UTP20: variants seen among roughly 807,000 people sequenced by gnomAD.
The protein encoded by UTP20 is small subunit processome component 20 homolog.
Under a neutral mutation model 329.5 loss-of-function variants are expected in UTP20, and 164 were observed. That is an observed-to-expected ratio of 0.50 (90% confidence interval 0.44 to 0.57). The LOEUF is 0.57. Ranked by LOEUF, UTP20 falls within the 20% of genes least tolerant of loss-of-function variation. The pLI is 0.00. For synonymous variants in UTP20, 1,151 were observed against 1,159.3 expected (o/e 0.99, Z 0.14); for missense variants, 3,055 against 3,284.2 (o/e 0.93, Z 1.71).
intron 11 of UTP20, among the ~76,000 whole-genome samples, chr12:101,294,416 T>C (rs1872277337): frequency 6.6e-6 from 1 of 152,240 alleles, no homozygotes; most frequent in South Asian, 2.1e-4. Flanking sequence ...TTAGTTCCTT[T>C]ATACCTCTCA....
In UTP20 at chr12:101,346,445, C is replaced by G; in HGVS notation, c.4747-6C>G. The G allele has an allele frequency of 6.3e-7, 1 of 1,585,634 alleles. No individual in the cohort carries two copies. ...GTAACTAATTCATATTTTATCTTAC[C>G]CATAGATCCACAGAAGAGCAAGAGC... On this transcript the variant is annotated splice_region_variant and splice_polypyrimidine_tract_variant and intron_variant, in intron 37 of 61. Transcript: ENST00000261637.
chr12:101,320,741 G>A (rs1242589484), intron 23 of UTP20, 111 bp from the exon 24 acceptor site: 6 of 886,106 alleles, frequency 6.8e-6, no homozygotes, highest in African/African-American at 5.2e-5. Context: ...TAGGTCTTGT[G>A]TAAAAATTTA....
intron 25 of UTP20, among the ~76,000 whole-genome samples, chr12:101,323,461 C>T (rs529197589): frequency 6.6e-6 from 1 of 152,316 alleles, no homozygotes; most frequent in Non-Finnish European, 1.5e-5. Context: ...ATGCCTGTTT[C>T]ACACCATTCC....
At position 101,312,110 on chromosome 12, in the gene UTP20, G is replaced by C; in HGVS notation, c.2386G>C (p.Asp796His). ...DESWEQTQEG[D>H]VGALYHEQLA... ...AAGTTGGGAGCAGACCCAGGAAGGA[G>C]ATGTTGGAGCTCTTTATCATGAGCA... Residue 796 changes from aspartate to histidine, a missense_variant, in exon 21 of 62, where the codon GAT becomes CAT. Coordinates refer to ENST00000261637, the MANE Select transcript of UTP20 (RefSeq NM_014503.3). 1 of 1,614,248 alleles carries C rather than the reference G, an allele frequency of 6.2e-7. No individual in the cohort carries two copies. The highest frequency in any genetic ancestry group is 1.1e-5 in the South Asian group (1 of 91,084).
chr12:101,342,778 T>A lies in UTP20; in HGVS notation c.4246-9T>A, dbSNP rs770852591. The A allele has an allele frequency of 6.2e-7, 1 of 1,611,888 alleles. No individual in the cohort carries two copies. On this transcript the variant is annotated splice_polypyrimidine_tract_variant and intron_variant, in intron 33 of 61. Coordinates refer to ENST00000261637, the MANE Select transcript of UTP20 (RefSeq NM_014503.3). ...TCACTGATAAATACACTGTTTTCTT[T>A]CCTTTCAGACTCTTTCTGATTTTGA... is the stretch of plus-strand genomic sequence containing the variant.
intron 18 of UTP20, 96 bp downstream of exon 18, chr12:101,308,439 T>TAATAAG: frequency 1.5e-6 from 1 of 658,744 alleles, no homozygotes; most frequent in Middle Eastern, 6.3e-4. Context: ...ATAATAATAA[T>TAATAAG]AATAATAATA....
At chr12:101,371,298 C>T (rs1405954089) in intron 51 of UTP20, 130 bp downstream of exon 51, 4 of 665,022 alleles carry the variant, frequency 6.0e-6, no homozygotes, top group South Asian at 2.9e-5. Context: ...GAGACTTGGG[C>T]GTCCTGGTGC....
chr12:101,348,499 G>C (rs930373387), intron 38 of UTP20, among the ~76,000 whole-genome samples: 1 of 151,962 alleles, frequency 6.6e-6, no homozygotes, highest in Non-Finnish European at 1.5e-5. Context: ...TTCACTTTAA[G>C]TAGTCAATTA....
intron 27 of UTP20, among the ~76,000 whole-genome samples, chr12:101,332,354 A>C (rs1244099674): frequency 6.6e-6 from 1 of 152,068 alleles, no homozygotes; most frequent in African/African-American, 2.4e-5. Flanking sequence ...AAAAAAAAGA[A>C]ATGTCTTTCG....
chr12:101,344,460 A>C, intron 35 of UTP20, 135 bp from the exon 36 acceptor site: 1 of 621,414 alleles, frequency 1.6e-6, no homozygotes. Flanking sequence ...GGTTTGAAAT[A>C]TTTGTGGGAA....
intron 2 of UTP20, among the ~76,000 whole-genome samples, chr12:101,284,930 T>A (rs1307667920): frequency 1.3e-5 from 2 of 152,196 alleles, no homozygotes; most frequent in Non-Finnish European, 2.9e-5. Context: ...GCATAACTTT[T>A]ATCATTTTGG....
intron 17 of UTP20, 98 bp downstream of exon 17, chr12:101,306,859 A>T (rs539602239): frequency 8.3e-7 from 1 of 1,202,588 alleles, no homozygotes; most frequent in Non-Finnish European, 1.1e-6. Context: ...TTAACACACT[A>T]TATAAATATC....
At chr12:101,334,790 C>T (rs1565796748) in intron 29 of UTP20, among the ~76,000 whole-genome samples, 4 of 152,184 alleles carry the variant, frequency 2.6e-5, no homozygotes, top group Admixed American at 6.5e-5. Context: ...GTCTGGACAA[C>T]GTAGTGAGGG....
intron 15 of UTP20, among the ~76,000 whole-genome samples, chr12:101,303,089 T>C (rs1213629407): frequency 2.6e-5 from 4 of 152,238 alleles, no homozygotes; most frequent in Non-Finnish European, 5.9e-5. Flanking sequence ...ATATATCTTT[T>C]CTAAAGGTCA....
chr12:101,364,940 C>G (rs12810430), intron 45 of UTP20, among the ~76,000 whole-genome samples: 12,012 of 152,122 alleles, frequency 0.079, 655 homozygotes, highest in Middle Eastern at 0.19. Flanking sequence ...CAAGTATTTC[C>G]TGAGGTTGCT....
intron 56 of UTP20, among the ~76,000 whole-genome samples, chr12:101,379,083 T>G (rs1870564257): frequency 6.6e-6 from 1 of 152,238 alleles, no homozygotes; most frequent in East Asian, 1.9e-4. Flanking sequence ...GTTGGGAACA[T>G]TTCAAATCTT....
intron 5 of UTP20, among the ~76,000 whole-genome samples, chr12:101,287,805 C>T (rs1287852404): frequency 6.6e-6 from 1 of 152,202 alleles, no homozygotes; most frequent in African/African-American, 2.4e-5. Context: ...ACTTGAGATA[C>T]AGTCACAGAT....
chr12:101,315,836 A>G (rs1047686589), intron 21 of UTP20, among the ~76,000 whole-genome samples: 3 of 152,124 alleles, frequency 2.0e-5, no homozygotes, highest in South Asian at 2.1e-4. Context: ...GTTTTTCCCT[A>G]AAGAATTAGT....
chr12:101,329,215 A>T, intron 26 of UTP20, 26 bp from the exon 27 acceptor site: 2 of 1,590,314 alleles, frequency 1.3e-6, no homozygotes, highest in Non-Finnish European at 1.7e-6. Flanking sequence ...ACCTTACATG[A>T]CCTCTCGTCC....
Sources: gnomAD v4.1 joint callset for allele counts (sites outside exome capture counted in the v4.1 genomes callset) on GRCh38, gnomAD v4.1.1 for gene constraint, MANE v1.5 for transcripts, NCBI Gene and HGNC (gene_info 2026-07-23, HGNC 2026-07-21) for gene names.